The following XRCC1 variants were observed in gnomAD, a reference collection of about 807,000 sequenced individuals.
XRCC1 encodes X-ray repair cross complementing 1.
A neutral mutation model predicts 83.3 loss-of-function variants in XRCC1; 52 were observed. That is an observed-to-expected ratio of 0.62 (90% CI 0.50 to 0.79). The LOEUF (loss-of-function observed/expected upper bound fraction) is 0.79. XRCC1 is among the 30% of genes least tolerant of loss of function. XRCC1 has a pLI of 0.00. For synonymous variants in XRCC1, 281 were observed against 312.6 expected (o/e 0.90, Z 1.07); for missense variants, 793 against 823.5 (o/e 0.96, Z 0.45).
chr19:43,546,911 T>C lies in XRCC1; in HGVS notation c.1266A>G (p.Gly422=). 6.2e-7 allele frequency: 1 copy of C among 1,613,934 alleles called. No individual in the cohort carries two copies. The change falls in exon 11 of 17, where the codon GGA becomes GGG. Residue 422 remains glycine (G), a synonymous_variant. Transcript: ENST00000262887. ...TCTGAGGAAGCTTGGGGGCTTCATC[T>C]CCGCTGCCACCGCTGTGAGAGGCCT... ...EDEASHSGGS[G]DEAPKLPQKQ... is the part of the protein sequence containing the mutation.
chr19:43,549,105 G>A (rs1352414582), intron 10 of XRCC1, among the ~76,000 whole-genome samples: 4 of 151,948 alleles, frequency 2.6e-5, no homozygotes, highest in South Asian at 2.1e-4. Flanking sequence ...AGATTCAGAG[G>A]ATTTAAAATG....
At position 43,552,168 on chromosome 19, in the gene XRCC1, C is replaced by G. The variant is rs1330060921; in HGVS notation, c.931G>C (p.Ala311Pro). The G allele has an allele frequency of 1.2e-6, 2 of 1,614,096 alleles. No individual in the cohort carries two copies. The highest frequency in any genetic ancestry group is 1.7e-6 in the Non-Finnish European group (2 of 1,179,974). ...ATCTTCCCCAGCTCCTCTGGGCCAG[C>G]TCGGGGTCGTCTGGGCTCGGTGCCT... ...GEGTEPRRPR[A>P]GPEELGKILQ... The change falls in exon 9 of 17, where the codon GCT becomes CCT. Residue 311 changes from alanine (A) to proline (P), a missense_variant. Coordinates refer to ENST00000262887, the MANE Select transcript of XRCC1 (RefSeq NM_006297.3).
At chr19:43,560,849 A>T in intron 3 of XRCC1, 61 bp downstream of exon 3, 1 of 1,384,216 alleles carries the variant, frequency 7.2e-7, no homozygotes, top group Admixed American at 1.7e-5. Flanking sequence ...CCTGGGGGAG[A>T]CGGTGATGCG....
At chr19:43,551,493 C>T in intron 10 of XRCC1, 78 bp downstream of exon 10, 1 of 1,284,942 alleles carries the variant, frequency 7.8e-7, no homozygotes, top group Non-Finnish European at 1.1e-6. Flanking sequence ...CGCTGGCAGG[C>T]CCCAGTCTGA....
At chr19:43,564,805 A>AC (rs1555770338) in intron 2 of XRCC1, among the ~76,000 whole-genome samples, 2 of 151,868 alleles carry the variant, frequency 1.3e-5, no homozygotes, top group South Asian at 4.2e-4. Flanking sequence ...ACAAAAAAAA[A>AC]ACACACAAAT....
chr19:43,574,974 G>C lies in XRCC1; in HGVS notation c.80C>G (p.Ala27Gly), dbSNP rs372675496. The change falls in exon 2 of 17, where the codon GCA (alanine) becomes GGA (glycine). Residue 27 changes from alanine (A) to glycine (G), a missense_variant. By Grantham distance (60) the Ala-to-Gly change is moderately conservative. Coordinates refer to ENST00000262887, the MANE Select transcript of XRCC1 (RefSeq NM_006297.3). ...TGCCCGCCATTTTCGGTAAGTGTCTGCCTTGAGAAGATTTTCTGCACAGTG... is the reference window on the plus strand; with the variant it reads ...TGCCCGCCATTTTCGGTAAGTGTCTCCCTTGAGAAGATTTTCTGCACAGTG... ...STHCAENLLK[A>G]DTYRKWRAAK... 1.2e-6 allele frequency: 2 copies of C among 1,614,174 alleles called. No homozygotes were observed. The highest frequency in any genetic ancestry group is 1.7e-6 in the Non-Finnish European group (2 of 1,180,004).
chr19:43,560,187 G>A (rs945363414), intron 3 of XRCC1, among the ~76,000 whole-genome samples: 6 of 151,538 alleles, frequency 4.0e-5, no homozygotes, highest in Admixed American at 6.6e-5. Context: ...TCAGGAGTTC[G>A]AGACCAGCCT....
chr19:43,552,315 G>A, intron 8 of XRCC1, 40 bp from the exon 9 acceptor site: 8 of 1,466,668 alleles, frequency 5.5e-6, no homozygotes, highest in Non-Finnish European at 7.4e-6. Context: ...GCACCACTGG[G>A]GGTCAACCCC....
In XRCC1 at chr19:43,546,914, G is replaced by C. The variant is rs779486375; in HGVS notation, c.1263C>G (p.Ser421Arg). The change falls in exon 11 of 17, where the codon AGC becomes AGG. Residue 421 changes from serine to arginine, a missense_variant. Ser to Arg is a moderately radical substitution (Grantham distance 110, BLOSUM62 -1). Coordinates refer to ENST00000262887, the MANE Select transcript of XRCC1 (RefSeq NM_006297.3). Reference protein sequence around the residue: ...EEDEASHSGGSGDEAPKLPQK... With the variant: ...EEDEASHSGGRGDEAPKLPQK... ...GAGGAAGCTTGGGGGCTTCATCTCC[G>C]CTGCCACCGCTGTGAGAGGCCTCAT... 1.9e-6 allele frequency: 3 copies of C among 1,613,954 alleles called. No homozygotes were observed. In the East Asian group the frequency reaches 6.7e-5, roughly 36 times the overall value.
chr19:43,556,571 AG>A (rs1247494282), intron 3 of XRCC1, among the ~76,000 whole-genome samples: 4 of 152,202 alleles, frequency 2.6e-5, no homozygotes, highest in African/African-American at 9.6e-5. Flanking sequence ...TGGGAGGCCA[AG>A]GCAGGCGGAT....
intron 14 of XRCC1, among the ~76,000 whole-genome samples, 189 bp from the exon 15 acceptor site, chr19:43,544,423 T>A (rs1279705449): frequency 6.6e-6 from 1 of 152,008 alleles, no homozygotes; most frequent in African/African-American, 2.4e-5. Context: ...GGTTGGTTGG[T>A]TGGTTTGCTT....
intron 3 of XRCC1, among the ~76,000 whole-genome samples, chr19:43,557,307 CAAAAAAA>C (rs33984597): frequency 7.7e-5 from 6 of 77,862 alleles, no homozygotes; most frequent in African/African-American, 3.1e-4. Context: ...GACTCCGTCT[CAAAAAAA>C]AAAAAAAAAA....
chr19:43,561,970 AC>A lies in XRCC1; in HGVS notation c.145-951del, dbSNP rs140762475. ...AGGCCAGCCTGGCCAACATGGCAAA[AC>A]CCCTTCTCTACTAAAAATATAAAAT... On this transcript the variant is annotated intron_variant, in intron 2 of 16. Transcript: ENST00000262887. Among the ~76,000 whole-genome samples the A allele has an allele frequency of 2.1e-3, 318 of 151,958 alleles. 1 individual carries two copies. The highest frequency in any genetic ancestry group is 3.6e-3 in the Non-Finnish European group (244 of 67,960).
chr19:43,543,685 T>A lies in XRCC1; in HGVS notation c.1715A>T (p.Glu572Val). ...LIRYVTAFNG[E>V]LEDYMSDRVQ... ...CCGGTCACTCATATAGTCCTCGAGC[T>A]CCCTGGCGGGAGAGAAGAAAAGAGG... is the stretch of plus-strand genomic sequence containing the variant. Residue 572 changes from glutamate (E) to valine (V), a missense_variant and splice_region_variant, in exon 16 of 17, where the codon GAG becomes GTG. Coordinates refer to ENST00000262887, the MANE Select transcript of XRCC1 (RefSeq NM_006297.3). The A allele has an allele frequency of 6.2e-7, 1 of 1,613,664 alleles. No individual in the cohort carries two copies.
At position 43,552,964 on chromosome 19, in the gene XRCC1, A is replaced by G. The variant is rs1167331287; in HGVS notation, c.711+18T>C. 5 of 1,607,668 alleles carry G rather than the reference A, an allele frequency of 3.1e-6. No individual in the cohort carries two copies. Among genetic ancestry groups the G allele is most frequent in the East Asian group, 2.2e-5 (1 of 44,788 alleles). On this transcript the variant is annotated intron_variant, in intron 7 of 16. Transcript: ENST00000262887. ...AGCTTCTCTCCTCCTCCACCCCACC[A>G]AAGTCTGATGATTTCACCTTGGAGG...
intron 2 of XRCC1, 151 bp downstream of exon 2, chr19:43,574,759 G>C (rs1476813898): frequency 1.6e-6 from 1 of 643,690 alleles, no homozygotes; most frequent in Admixed American, 2.4e-5. Flanking sequence ...TCTGCTGAGG[G>C]GCACAGGGAT....
chr19:43,550,438 G>C (rs927515011), intron 10 of XRCC1, among the ~76,000 whole-genome samples: 1 of 152,168 alleles, frequency 6.6e-6, no homozygotes, highest in African/African-American at 2.4e-5. Context: ...ATGGAGCCCA[G>C]TGTGTAGCCT....
At chr19:43,561,154 A>ATG in intron 2 of XRCC1, 134 bp from the exon 3 acceptor site, 1 of 717,906 alleles carries the variant, frequency 1.4e-6, no homozygotes, top group Non-Finnish European at 2.5e-6. Flanking sequence ...CCAGGGTTGA[A>ATG]TGGTGCCATG....
chr19:43,552,445 T>C (rs1415603845), intron 8 of XRCC1, among the ~76,000 whole-genome samples, 170 bp from the exon 9 acceptor site: 18 of 15,644 alleles, frequency 1.2e-3, no homozygotes, highest in South Asian at 4.3e-3. Flanking sequence ...CAGCCCCTCC[T>C]CCCTCAGACC....
Sources: gnomAD v4.1 joint callset for allele counts (sites outside exome capture counted in the v4.1 genomes callset) on GRCh38, gnomAD v4.1.1 for gene constraint, MANE v1.5 for transcripts, NCBI Gene and HGNC (gene_info 2026-07-23, HGNC 2026-07-21) for gene names.